Variants in CSF3R observed in about 807,000 individuals in gnomAD.
The protein encoded by CSF3R is colony stimulating factor 3 receptor.
In CSF3R, 52 loss-of-function variants were observed where a neutral mutation model predicts 84.4. The observed-to-expected ratio is 0.62, with a 90% CI of 0.49 to 0.78. The LOEUF is 0.78. CSF3R is among the 30% of genes least tolerant of loss of function. CSF3R has a pLI of 0.00. For missense variants in CSF3R, 890 were observed against 1,055.7 expected, an observed-to-expected ratio of 0.84 and a Z score of 2.17; for synonymous variants, 384 against 429.1, an observed-to-expected ratio of 0.89 and a Z score of 1.30.
chr1:36,467,233 C>T lies in CSF3R; in HGVS notation c.2037G>A (p.Glu679=), dbSNP rs1397528121. 3 of 1,614,064 alleles carry T rather than the reference C, an allele frequency of 1.9e-6. No individual in the cohort carries two copies. The highest frequency in any genetic ancestry group is 4.5e-5 in the East Asian group (2 of 44,898). ...CCTCTCCCTCCTGGATTCTCACCTCCTCCATGATTGTGGGCACCCAGGAGC... is the reference window on the plus strand; with the variant it reads ...CCTCTCCCTCCTGGATTCTCACCTCTTCCATGATTGTGGGCACCCAGGAGC... ...SLGSWVPTIM[E]EDAFQLPGLG... Residue 679 remains glutamate (E), a synonymous_variant, in exon 16 of 17, where the codon GAG becomes GAA. Transcript: ENST00000373106. The surrounding 1 kb of genome is among the most constrained non-coding windows in gnomAD (Gnocchi z 4.1).
intron 2 of CSF3R, 32 bp downstream of exon 2, chr1:36,481,446 C>A (rs1039500254): frequency 1.3e-5 from 2 of 152,250 alleles, no homozygotes; most frequent in Non-Finnish European, 2.9e-5. Flanking sequence ...AGATTCAGGT[C>A]ACCTGACTTG....
chr1:36,473,940 C>G, intron 4 of CSF3R, 53 bp from the exon 5 acceptor site: 3 of 1,612,350 alleles, frequency 1.9e-6, no homozygotes, highest in Non-Finnish European at 2.5e-6. Flanking sequence ...ACTCAGAAAG[C>G]TTCCTCTGGG....
At position 36,467,222 on chromosome 1, in the gene CSF3R, A is replaced by G. The variant is rs759022919; in HGVS notation, c.2040+8T>C. On this transcript the variant is annotated splice_region_variant and intron_variant, in intron 16 of 16. Transcript: ENST00000373106. This position sits in a 1 kb window ranked among gnomAD's most constrained non-coding sequence, Gnocchi z 4.1. ...CATCTCATTTCCCTCTCCCTCCTGGATTCTCACCTCCTCCATGATTGTGGG... is the reference window on the plus strand; with the variant it reads ...CATCTCATTTCCCTCTCCCTCCTGGGTTCTCACCTCCTCCATGATTGTGGG... 6.2e-7 allele frequency: 1 copy of G among 1,613,862 alleles called. No homozygotes were observed. Among genetic ancestry groups the G allele is most frequent in the Non-Finnish European group, 8.5e-7 (1 of 1,179,762 alleles).
chr1:36,466,049 C>A lies in CSF3R; in HGVS notation c.*308G>T. On this transcript the variant is annotated 3_prime_UTR_variant, in exon 17 of 17. Transcript: ENST00000373106. The surrounding 1 kb of genome is among the most constrained non-coding windows in gnomAD (Gnocchi z 4.6). ...TAAATAACAGAGACTCAGGTACACC[C>A]AAGAGTGTCTATAAACAACAACAAA... 6.2e-7 allele frequency: 1 copy of A among 1,613,372 alleles called. No homozygotes were observed. Among genetic ancestry groups the A allele is most frequent in the South Asian group, 1.1e-5 (1 of 90,828 alleles).
chr1:36,469,596 A>G, intron 11 of CSF3R, 56 bp downstream of exon 11: 2 of 1,602,112 alleles, frequency 1.2e-6, no homozygotes, highest in Non-Finnish European at 1.7e-6. Context: ...CTATTGTCAG[A>G]TAAGCACTGC....
intron 3 of CSF3R, among the ~76,000 whole-genome samples, chr1:36,478,022 T>A (rs961653590): frequency 6.6e-6 from 1 of 151,884 alleles, no homozygotes; most frequent in African/African-American, 2.4e-5. Flanking sequence ...CCTCCCAAAG[T>A]GCTGGGATTA....
intron 12 of CSF3R, 92 bp from the exon 13 acceptor site, chr1:36,468,313 G>A (rs1650480926): frequency 2.2e-6 from 3 of 1,387,248 alleles, no homozygotes; most frequent in Non-Finnish European, 1.9e-6. Context: ...ACTGTGGGGT[G>A]GGTGAGAAAA....
intron 3 of CSF3R, chr1:36,479,093 C>T: frequency 2.5e-6 from 1 of 399,534 alleles, no homozygotes. Flanking sequence ...AAACCTGTCC[C>T]CTTGTAGCTT....
intron 1 of CSF3R, among the ~76,000 whole-genome samples, chr1:36,482,305 C>CG (rs11295216): frequency 0.025 from 3,071 of 122,612 alleles, 103 homozygotes; most frequent in African/African-American, 0.081. Context: ...AGAGAGTGGG[C>CG]GGGGGGGGGG....
chr1:36,473,807 G>A lies in CSF3R; in HGVS notation c.442C>T (p.Pro148Ser). ...AAGCTGGTGGGTAGGTGGGTCTCAGGTCCTGGCTCCCACTGGCAGATGAGG... is the reference window on the plus strand; with the variant it reads ...AAGCTGGTGGGTAGGTGGGTCTCAGATCCTGGCTCCCACTGGCAGATGAGG... ...SSLICQWEPG[P>S]ETHLPTSFTL... The change falls in exon 5 of 17, where the codon CCT becomes TCT. Residue 148 changes from proline (P) to serine (S), a missense_variant. Transcript: ENST00000373106. 6.2e-7 allele frequency: 1 copy of A among 1,614,234 alleles called. No homozygotes were observed.
Position 36,466,263 on chromosome 1 carries a change from G to A in CSF3R, c.*94C>T, listed in dbSNP as rs1020453765. ...GGAGATGGTGAGAGCCTGGGCTGGG[G>A]TAGTTTTTAGTCATGGGCTTATGGA... On this transcript the variant is annotated 3_prime_UTR_variant, in exon 17 of 17. Coordinates refer to ENST00000373106, the MANE Select transcript of CSF3R (RefSeq NM_000760.4). The surrounding 1 kb of genome is among the most constrained non-coding windows in gnomAD (Gnocchi z 4.6). 21 of 1,612,816 alleles carry A rather than the reference G, an allele frequency of 1.3e-5. No individual in the cohort carries two copies. Among genetic ancestry groups the A allele is most frequent in the Admixed American group, 5.0e-5 (3 of 59,728 alleles).
At chr1:36,482,711 C>G (rs1346601607) in intron 1 of CSF3R, 100 bp downstream of exon 1, 2 of 152,228 alleles carry the variant, frequency 1.3e-5, no homozygotes, top group East Asian at 3.9e-4. Flanking sequence ...GCCTAGGACC[C>G]CGGACATGAA....
intron 2 of CSF3R, among the ~76,000 whole-genome samples, chr1:36,480,601 C>G (rs886738939): frequency 9.9e-5 from 15 of 152,220 alleles, no homozygotes; most frequent in Non-Finnish European, 2.1e-4. Flanking sequence ...GGTGGCAGAT[C>G]AGTGGGAATC....
At position 36,467,441 on chromosome 1, in the gene CSF3R, C is replaced by G; in HGVS notation, c.1958+117G>C. 1 of 1,416,218 alleles carries G rather than the reference C, an allele frequency of 7.1e-7. No individual in the cohort carries two copies. The highest frequency in any genetic ancestry group is 1.0e-6 in the Non-Finnish European group (1 of 1,001,462). The allele number at this position is 1,416,218 out of a possible 1,614,324, so 87.7% of individuals were successfully genotyped here. On this transcript the variant is annotated intron_variant, in intron 15 of 16. Coordinates refer to ENST00000373106, the MANE Select transcript of CSF3R (RefSeq NM_000760.4). This position sits in a 1 kb window ranked among gnomAD's most constrained non-coding sequence, Gnocchi z 4.1. ...AGAGAAGAAGCTGGGGGCTGGGACT[C>G]TCAGACATGGGCCCCAAAGTTTGGG...
Position 36,467,148 on chromosome 1 carries a change from G to T in CSF3R, c.2040+82C>A. The T allele has an allele frequency of 6.8e-7, 1 of 1,473,006 alleles. No homozygotes were observed. Among genetic ancestry groups the T allele is most frequent in the Non-Finnish European group, 9.5e-7 (1 of 1,052,182 alleles). The allele number at this position is 1,473,006 out of a possible 1,614,324, so 91.2% of individuals were successfully genotyped here. On this transcript the variant is annotated intron_variant, in intron 16 of 16. Transcript: ENST00000373106. The surrounding 1 kb of genome is among the most constrained non-coding windows in gnomAD (Gnocchi z 4.1). ...TGCCGGAAGTGACAGGAAGGCCTGAGTACTTGGCTTCAGAAGGTGTCCCTT... is the reference window on the plus strand; with the variant it reads ...TGCCGGAAGTGACAGGAAGGCCTGATTACTTGGCTTCAGAAGGTGTCCCTT...
chr1:36,480,416 G>A (rs1435329088), intron 2 of CSF3R, among the ~76,000 whole-genome samples: 1 of 152,220 alleles, frequency 6.6e-6, no homozygotes, highest in Non-Finnish European at 1.5e-5. Context: ...GCCTTCTGGG[G>A]TCAGGCATCA....
In CSF3R at chr1:36,467,508, T is replaced by G; in HGVS notation, c.1958+50A>C. ...TAGATGGGCCCATCTGGACCTGAGG[T>G]TCCCTGTGGGTGGGGGAAGCAGGAT... is the stretch of plus-strand genomic sequence containing the variant. On this transcript the variant is annotated intron_variant, in intron 15 of 16. Coordinates refer to ENST00000373106, the MANE Select transcript of CSF3R (RefSeq NM_000760.4). This position sits in a 1 kb window ranked among gnomAD's most constrained non-coding sequence, Gnocchi z 4.1. 6.3e-7 allele frequency: 1 copy of G among 1,575,038 alleles called. No individual in the cohort carries two copies. The highest frequency in any genetic ancestry group is 8.7e-7 in the Non-Finnish European group (1 of 1,146,036).
Position 36,466,443 on chromosome 1 carries a change from C to A in CSF3R, c.2425G>T (p.Asp809Tyr). ...AGCAGTGGCCCAAAGACACAGTCGT[C>A]CTCCTGGCTTGGGGCTGGGGTTACC... ...TLVTPAPSQE[D>Y]DCVFGPLLNF... The change falls in exon 17 of 17, where the codon GAC becomes TAC. Residue 809 changes from aspartate (D) to tyrosine (Y), a missense_variant. Coordinates refer to ENST00000373106, the MANE Select transcript of CSF3R (RefSeq NM_000760.4). This position sits in a 1 kb window ranked among gnomAD's most constrained non-coding sequence, Gnocchi z 4.6. The A allele has an allele frequency of 6.2e-7, 1 of 1,613,444 alleles. No homozygotes were observed. Among genetic ancestry groups the A allele is most frequent in the East Asian group, 2.2e-5 (1 of 44,868 alleles).
In CSF3R at chr1:36,467,457, A is replaced by G. The variant is rs1650399558; in HGVS notation, c.1958+101T>C. The G allele has an allele frequency of 6.9e-7, 1 of 1,443,206 alleles. No homozygotes were observed. The highest frequency in any genetic ancestry group is 1.7e-5 in the Admixed American group (1 of 59,002). 89.4% of individuals were successfully genotyped at this position (1,443,206 alleles called of 1,614,324 possible). ...GCTGGGACTCTCAGACATGGGCCCC[A>G]AAGTTTGGGAAGGCTGGAAGGGACT... On this transcript the variant is annotated intron_variant, in intron 15 of 16. Transcript: ENST00000373106. This position sits in a 1 kb window ranked among gnomAD's most constrained non-coding sequence, Gnocchi z 4.1.
Sources: allele counts gnomAD v4.1 joint callset (sites outside exome capture counted in the v4.1 genomes callset), GRCh38; gene constraint gnomAD v4.1.1; non-coding constraint Gnocchi (gnomAD v3.1); transcripts MANE v1.5; gene names NCBI Gene and HGNC (gene_info 2026-07-23, HGNC 2026-07-21).